SIN3A: variants seen among roughly 807,000 people sequenced by gnomAD.
SIN3A encodes paired amphipathic helix protein Sin3a.
In SIN3A, 14 loss-of-function variants were observed where a neutral mutation model predicts 146.1. The observed-to-expected ratio is 0.10, with a 90% CI of 0.06 to 0.15. SIN3A has a LOEUF of 0.15. Among genes scored for constraint, SIN3A ranks in the 10% least tolerant of loss-of-function variants. The pLI is 1.00. For missense variants in SIN3A, 1,028 were observed against 1,576.0 expected (o/e 0.65, Z 5.89); for synonymous variants, 572 against 572.0 (o/e 1.00, Z 0.00).
Position 75,439,431 on chromosome 15 carries a change from C to T in SIN3A, c.-33-9023G>A, listed in dbSNP as rs148861584. ...TCTTGGCTCACTGCAAGCTCCGCCT[C>T]CCAGGTTCATGCCATTCTTCGGCCT... On this transcript the variant is annotated intron_variant, in intron 1 of 20. Coordinates refer to ENST00000394947, the MANE Select transcript of SIN3A (RefSeq NM_001145358.2). 8.5e-3 allele frequency among the ~76,000 whole-genome samples: 1,293 copies of T among 152,110 alleles called. 37 individuals carry two copies. The East Asian group carries it at 0.11, about 13-fold the overall frequency.
chr15:75,409,432 G>A (rs893316393), intron 8 of SIN3A, among the ~76,000 whole-genome samples: 4 of 151,822 alleles, frequency 2.6e-5, no homozygotes, highest in Non-Finnish European at 5.9e-5. Flanking sequence ...GGACCCAACC[G>A]TTAACACACT....
rs762696596 is a variant in SIN3A, at chr15:75,401,976, G to A, written c.1408-6C>T. 1 of 1,545,066 alleles carries A rather than the reference G, an allele frequency of 6.5e-7. No homozygotes were observed. Among genetic ancestry groups the A allele is most frequent in the Non-Finnish European group, 8.9e-7 (1 of 1,120,472 alleles). ...CTCCGAAGAGCCTTTCGGACCTTAT[G>A]GAGACAACGGGAAGAAAAACAGTTT... On this transcript the variant is annotated splice_region_variant and splice_polypyrimidine_tract_variant and intron_variant, in intron 9 of 20. Transcript: ENST00000394947.
intron 1 of SIN3A, 94 bp downstream of exon 1, chr15:75,451,329 G>A (rs368867905): frequency 5.4e-5 from 7 of 129,568 alleles, no homozygotes; most frequent in Admixed American, 5.1e-4. Context: ...GGAAGCCGAG[G>A]AGGTCAGCCC....
chr15:75,424,232 C>T (rs1001179729), intron 2 of SIN3A, among the ~76,000 whole-genome samples: 1 of 151,828 alleles, frequency 6.6e-6, no homozygotes, highest in East Asian at 2.0e-4. Flanking sequence ...TGGGAGTTCT[C>T]GAGACCAGCC....
chr15:75,410,897 C>G (rs2073625105), intron 6 of SIN3A, among the ~76,000 whole-genome samples: 1 of 150,178 alleles, frequency 6.7e-6, no homozygotes, highest in Admixed American at 6.6e-5. Context: ...ATCACTTGAA[C>G]CCGGGAGGTA....
At chr15:75,374,250 C>T (rs1206813126) in intron 20 of SIN3A, among the ~76,000 whole-genome samples, 1 of 152,172 alleles carries the variant, frequency 6.6e-6, no homozygotes, top group East Asian at 1.9e-4. Context: ...AATCCCAGTA[C>T]TTTGGGAGGC....
chr15:75,393,081 T>G (rs1170905347), intron 14 of SIN3A, among the ~76,000 whole-genome samples: 1 of 152,108 alleles, frequency 6.6e-6, no homozygotes, highest in East Asian at 1.9e-4. Flanking sequence ...AATAACAAAA[T>G]TAGCTGAACA....
At chr15:75,395,990 ATCT>A (rs1481111880) in intron 13 of SIN3A, among the ~76,000 whole-genome samples, 2 of 152,176 alleles carry the variant, frequency 1.3e-5, no homozygotes, top group Admixed American at 6.5e-5. Flanking sequence ...GGTGGTAATT[ATCT>A]TCTTTTCTTT....
At chr15:75,383,770 C>T (rs1347029141) in intron 17 of SIN3A, among the ~76,000 whole-genome samples, 13 of 152,076 alleles carry the variant, frequency 8.5e-5, no homozygotes, top group East Asian at 3.8e-4. Context: ...TACAGGTGCA[C>T]GCTACCATGC....
In SIN3A at chr15:75,378,424, C is replaced by T. The variant is rs149052849; in HGVS notation, c.3383+2205G>A. 3.9e-4 allele frequency among the ~76,000 whole-genome samples: 59 copies of T among 152,148 alleles called. 1 individual carries two copies. In the East Asian group the frequency reaches 0.011, roughly 28 times the overall value. On this transcript the variant is annotated intron_variant, in intron 19 of 20. Transcript: ENST00000394947. ...TACTAAAAATACAGAATCAGCCGGG[C>T]GTGGTGGCACATGCCTGTAATCCCA...
intron 13 of SIN3A, among the ~76,000 whole-genome samples, chr15:75,395,340 C>T (rs1280596004): frequency 1.3e-5 from 2 of 152,094 alleles, no homozygotes; most frequent in Non-Finnish European, 2.9e-5. Context: ...AAAAAAAGCA[C>T]TAAAACTGAA....
At chr15:75,372,251 C>CTTTT (rs779247194) in intron 20 of SIN3A, 42 bp from the exon 21 acceptor site, 1 of 1,356,282 alleles carries the variant, frequency 7.4e-7, no homozygotes, top group Admixed American at 2.3e-5. Flanking sequence ...TGAAGCAGAA[C>CTTTT]CAAAAAAGAG....
At chr15:75,424,762 T>C (rs1313980835) in intron 2 of SIN3A, among the ~76,000 whole-genome samples, 1 of 152,158 alleles carries the variant, frequency 6.6e-6, no homozygotes, top group Admixed American at 6.5e-5. Context: ...CGTAAGCCAC[T>C]GTGCCCAGCC....
At chr15:75,425,266 G>A (rs1424775206) in intron 2 of SIN3A, among the ~76,000 whole-genome samples, 3 of 152,202 alleles carry the variant, frequency 2.0e-5, no homozygotes, top group Admixed American at 6.5e-5. Context: ...TGCCTCCCAG[G>A]TTCAAGCGAT....
chr15:75,440,501 G>A (rs928216398), intron 1 of SIN3A, among the ~76,000 whole-genome samples: 3 of 151,962 alleles, frequency 2.0e-5, no homozygotes, highest in Non-Finnish European at 4.4e-5. Flanking sequence ...CAAAGTGCTG[G>A]GATTACAGGT....
intron 1 of SIN3A, among the ~76,000 whole-genome samples, chr15:75,435,318 C>T (rs1366745276): frequency 6.6e-6 from 1 of 152,068 alleles, no homozygotes; most frequent in Non-Finnish European, 1.5e-5. Context: ...TGTGATCATG[C>T]ATATTATGGA....
intron 12 of SIN3A, 122 bp downstream of exon 12, chr15:75,399,918 C>T: frequency 1.5e-6 from 1 of 673,466 alleles, no homozygotes. Flanking sequence ...ACAACAAGCA[C>T]TTACCATAGA....
At chr15:75,426,868 G>A (rs1364254453) in intron 2 of SIN3A, among the ~76,000 whole-genome samples, 1 of 152,006 alleles carries the variant, frequency 6.6e-6, no homozygotes, top group East Asian at 1.9e-4. Context: ...GGAGGTGAAG[G>A]GTGCAGTGAG....
intron 1 of SIN3A, among the ~76,000 whole-genome samples, chr15:75,436,036 A>G (rs2074101729): frequency 1.3e-5 from 2 of 152,046 alleles, no homozygotes; most frequent in South Asian, 4.2e-4. Context: ...CTGAAGTGGA[A>G]GGATCTCTTG....
Sources: gnomAD v4.1 joint callset for allele counts (sites outside exome capture counted in the v4.1 genomes callset) on GRCh38, gnomAD v4.1.1 for gene constraint, MANE v1.5 for transcripts, NCBI Gene and HGNC (gene_info 2026-07-23, HGNC 2026-07-21) for gene names.